Variants in BRD10 observed in about 807,000 individuals in gnomAD.
The protein encoded by BRD10 is bromodomain containing 10.
chr9:5,967,794 A>G, the BRD10 span, among the ~76,000 whole-genome samples: 1 of 152,010 alleles, frequency 6.6e-6, no homozygotes, highest in African/African-American at 2.4e-5. Flanking sequence ...ACTGAAAATT[A>G]AATTCAAACA....
At chr9:5,982,582 G>C in the BRD10 span, among the ~76,000 whole-genome samples, 19 of 152,358 alleles carry the variant, frequency 1.2e-4, no homozygotes, top group South Asian at 1.2e-3. Context: ...GCCCTGTGCA[G>C]TTTCGGGACT....
At chr9:5,915,755 T>C in the BRD10 span, among the ~76,000 whole-genome samples, 1 of 152,200 alleles carries the variant, frequency 6.6e-6, no homozygotes, top group African/African-American at 2.4e-5. Flanking sequence ...TACTATTTTT[T>C]GTATTGAGGA....
At chr9:5,984,115 T>G in the BRD10 span, among the ~76,000 whole-genome samples, 1 of 152,006 alleles carries the variant, frequency 6.6e-6, no homozygotes, top group South Asian at 2.1e-4. Context: ...CTAAAAGAGC[T>G]CTTTAGACAG....
the BRD10 span, chr9:5,988,228 G>A: frequency 1.5e-6 from 1 of 688,052 alleles, no homozygotes; most frequent in Middle Eastern, 2.9e-4. Flanking sequence ...ATTTCATTAT[G>A]AATTCATACT....
chr9:5,938,905 GAAGTA>G, the BRD10 span, among the ~76,000 whole-genome samples: 1 of 152,100 alleles, frequency 6.6e-6, no homozygotes, highest in Non-Finnish European at 1.5e-5. Context: ...CCAAAGCCAT[GAAGTA>G]AAGTAATTAG....
the BRD10 span, chr9:6,008,322 G>C: frequency 1.0e-6 from 1 of 985,038 alleles, no homozygotes; most frequent in Non-Finnish European, 1.2e-6. Flanking sequence ...CACGGACGGG[G>C]CCCGGCGACA....
chr9:5,918,549 C>G, the BRD10 span, among the ~76,000 whole-genome samples: 1 of 151,212 alleles, frequency 6.6e-6, no homozygotes, highest in Non-Finnish European at 1.5e-5. Context: ...ACCATCTCTA[C>G]AAAAAATTAA....
At chr9:5,944,812 A>C in the BRD10 span, 6 of 750,824 alleles carry the variant, frequency 8.0e-6, no homozygotes, top group Non-Finnish European at 1.2e-5. Flanking sequence ...CTTTAGGAAA[A>C]AGCAGGAATA....
At chr9:5,988,578 A>G in the BRD10 span, 82 of 1,537,634 alleles carry the variant, frequency 5.3e-5, no homozygotes, top group African/African-American at 1.0e-3. Context: ...CACAAGGTCA[A>G]ATCTTCTGGA....
chr9:5,910,627 C>T, the BRD10 span: 1 of 152,290 alleles, frequency 6.6e-6, no homozygotes, highest in African/African-American at 2.4e-5. Context: ...AGGGTGCTCT[C>T]ATTTCTCTGT....
At chr9:5,921,939 T>G in the BRD10 span, 4 of 1,613,920 alleles carry the variant, frequency 2.5e-6, no homozygotes, top group African/African-American at 1.3e-5. Flanking sequence ...GAAACAGAAG[T>G]TGGTGTTTGG....
At chr9:6,005,192 G>A in the BRD10 span, among the ~76,000 whole-genome samples, 2 of 152,196 alleles carry the variant, frequency 1.3e-5, no homozygotes, top group Non-Finnish European at 2.9e-5. Context: ...TAGTTTCTTA[G>A]TCTGCTCTTT....
At chr9:5,940,649 G>A in the BRD10 span, among the ~76,000 whole-genome samples, 2 of 152,096 alleles carry the variant, frequency 1.3e-5, no homozygotes, top group Non-Finnish European at 2.9e-5. Context: ...TTTCCACTAC[G>A]AGGGGTGGTC....
the BRD10 span, among the ~76,000 whole-genome samples, chr9:5,904,134 C>T: frequency 3.5e-4 from 53 of 152,254 alleles, 1 homozygote; most frequent in Admixed American, 3.4e-3. Flanking sequence ...CTTGGGATTA[C>T]AGGTGTGAGC....
At chr9:5,882,908 G>T in the BRD10 span, among the ~76,000 whole-genome samples, 1 of 151,964 alleles carries the variant, frequency 6.6e-6, no homozygotes, top group African/African-American at 2.4e-5. Context: ...CTATCACAAG[G>T]ACAAAAAACC....
chr9:5,931,183 G>A, the BRD10 span, among the ~76,000 whole-genome samples: 2 of 152,194 alleles, frequency 1.3e-5, no homozygotes, highest in Admixed American at 6.5e-5. Flanking sequence ...TGGGCAGTAT[G>A]ACTGCTGCCT....
chr9:5,925,024 GA>G, the BRD10 span, among the ~76,000 whole-genome samples: 1 of 152,138 alleles, frequency 6.6e-6, no homozygotes, highest in Non-Finnish European at 1.5e-5. Context: ...CAGGAAGACA[GA>G]ACCTATGGTA....
At chr9:5,922,479 T>C in the BRD10 span, 62 of 1,613,894 alleles carry the variant, frequency 3.8e-5, no homozygotes, top group South Asian at 7.7e-5. Context: ...AAAGGTGTAA[T>C]TGTTTTGTTG....
chr9:5,937,809 A>C, the BRD10 span, among the ~76,000 whole-genome samples: 1 of 152,376 alleles, frequency 6.6e-6, no homozygotes, highest in Middle Eastern at 3.4e-3. Flanking sequence ...AACCAAAGTT[A>C]AAATCTAGTT....
Sources: gnomAD v4.1 joint callset for allele counts (sites outside exome capture counted in the v4.1 genomes callset) on GRCh38, gnomAD v4.1.1 for gene constraint, MANE v1.5 for transcripts, NCBI Gene and HGNC (gene_info 2026-07-23, HGNC 2026-07-21) for gene names.